The following TENM2 variants were observed in gnomAD, a reference collection of about 807,000 sequenced individuals.
TENM2 encodes the protein teneurin-2.
A neutral mutation model predicts 245.2 loss-of-function variants in TENM2; 52 were observed. The observed-to-expected ratio is 0.21, with a 90% CI of 0.17 to 0.27. The LOEUF is 0.27. Ranked by LOEUF, TENM2 falls within the 10% of genes least tolerant of loss-of-function variation. The probability of loss-of-function intolerance (pLI) is 1.00; values close to 1 mark genes in which losing one functional copy is unlikely to be tolerated. For synonymous variants in TENM2, 1,363 were observed against 1,438.9 expected (o/e 0.95, Z 1.19); for missense variants, 3,046 against 3,666.8 (o/e 0.83, Z 4.37).
intron 19 of TENM2, among the ~76,000 whole-genome samples, chr5:168,207,263 G>T (rs1762423851): frequency 6.6e-6 from 1 of 152,160 alleles, no homozygotes; most frequent in African/African-American, 2.4e-5. Context: ...AAGATAGGTT[G>T]CTTAAATTAA....
chr5:168,119,180 A>G (rs1269807883), intron 10 of TENM2, among the ~76,000 whole-genome samples: 1 of 152,246 alleles, frequency 6.6e-6, no homozygotes, highest in Non-Finnish European at 1.5e-5. Context: ...AGGATGCAGC[A>G]AGAGGGACGG....
At chr5:168,030,686 G>T (rs1787065794) in intron 5 of TENM2, among the ~76,000 whole-genome samples, 1 of 152,184 alleles carries the variant, frequency 6.6e-6, no homozygotes, top group Admixed American at 6.5e-5. Context: ...AGGGTTGAAG[G>T]TTAGGAAATG....
At position 168,193,130 on chromosome 5, in the gene TENM2, T is replaced by A. The variant is rs558635984; in HGVS notation, c.2781-2046T>A. Among the ~76,000 whole-genome samples, 256 of 152,338 alleles carry A rather than the reference T, an allele frequency of 1.7e-3. 1 individual carries two copies. Among genetic ancestry groups the A allele is most frequent in the African/African-American group, 5.9e-3 (245 of 41,572 alleles). On this transcript the variant is annotated intron_variant, in intron 14 of 28. Transcript: ENST00000518659. The stretch of plus-strand genomic sequence containing the variant: ...GAGAAAGCGTCTCGGAAGCTTTAAA[T>A]GTAAACAATAAATGGCACTTCCCAA...
At chr5:168,051,354 C>A (rs944049179) in intron 6 of TENM2, among the ~76,000 whole-genome samples, 1 of 152,068 alleles carries the variant, frequency 6.6e-6, no homozygotes. Flanking sequence ...TGACTATTAC[C>A]TGTTGTCTAT....
intron 14 of TENM2, among the ~76,000 whole-genome samples, chr5:168,193,626 A>G (rs1359977712): frequency 6.6e-6 from 1 of 152,182 alleles, no homozygotes; most frequent in Non-Finnish European, 1.5e-5. Flanking sequence ...TGCTACAGGA[A>G]TGATTTAAAA....
At chr5:167,952,478 A>G in intron 3 of TENM2, 110 bp from the exon 6 acceptor site, 1 of 893,112 alleles carries the variant, frequency 1.1e-6, no homozygotes, top group Non-Finnish European at 1.8e-6. Context: ...TGCAGCTTTC[A>G]GCAATTGTCA....
intron 3 of TENM2, among the ~76,000 whole-genome samples, chr5:167,951,349 GA>G (rs1780086285): frequency 1.3e-5 from 2 of 152,292 alleles, no homozygotes; most frequent in African/African-American, 4.8e-5. Context: ...TGCCAGCCCT[GA>G]CTGGAAGCTT....
At chr5:167,456,962 C>T (rs556819583) in intron 2 of TENM2, among the ~76,000 whole-genome samples, 13 of 152,282 alleles carry the variant, frequency 8.5e-5, no homozygotes, top group Non-Finnish European at 1.3e-4. Context: ...TAAATACAAG[C>T]GTGAGAATTT....
At chr5:167,376,256 T>A (rs78386535) in intron 2 of TENM2, among the ~76,000 whole-genome samples, 4,106 of 152,308 alleles carry the variant, frequency 0.027, 187 homozygotes, top group African/African-American at 0.093. Context: ...AACATTTTTT[T>A]AAAAAGATAA....
intron 7 of TENM2, among the ~76,000 whole-genome samples, chr5:168,071,181 G>A (rs578112360): frequency 6.6e-6 from 1 of 152,272 alleles, no homozygotes; most frequent in South Asian, 2.1e-4. Context: ...ATAAACCAGA[G>A]GTGATATTAT....
At position 168,238,157 on chromosome 5, in the gene TENM2, AAG is replaced by A. The variant is rs1164402441; in HGVS notation, c.5521-6236_5521-6235del. ...GAGACTCCATCTCAAGAAAGAAAGAAAGAGAGAGAGAGAGAGAGAGAGAGAGA... is the reference window on the plus strand; with the variant it reads ...GAGACTCCATCTCAAGAAAGAAAGAAAGAGAGAGAGAGAGAGAGAGAGAGA... On this transcript the variant is annotated intron_variant, in intron 25 of 28. Coordinates refer to ENST00000518659, the Ensembl canonical transcript of TENM2. Among the ~76,000 whole-genome samples the A allele has an allele frequency of 0.02, 1,411 of 69,862 alleles. 227 individuals are homozygous for A. The East Asian group carries it at 0.3, about 15-fold the overall frequency. The allele number at this position is 69,862 out of a possible 152,430, so 45.8% of individuals were successfully genotyped here.
At chr5:167,458,803 A>G (rs1181162547) in intron 2 of TENM2, among the ~76,000 whole-genome samples, 1 of 152,222 alleles carries the variant, frequency 6.6e-6, no homozygotes, top group Non-Finnish European at 1.5e-5. Flanking sequence ...GATGAGAAAA[A>G]GAAGTCACAG....
At chr5:167,465,779 G>A (rs939453995) in intron 2 of TENM2, among the ~76,000 whole-genome samples, 4 of 152,072 alleles carry the variant, frequency 2.6e-5, no homozygotes, top group African/African-American at 2.4e-5. Flanking sequence ...TGCAGTAAGC[G>A]GAGATCGCGC....
At chr5:168,004,517 G>GTGCACA (rs1554170146) in intron 5 of TENM2, among the ~76,000 whole-genome samples, 1 of 132,152 alleles carries the variant, frequency 7.6e-6, no homozygotes, top group African/African-American at 3.0e-5. Flanking sequence ...GCGCGCGCGC[G>GTGCACA]CACACACACA....
chr5:167,852,002 C>A (rs548240093), intron 2 of TENM2, among the ~76,000 whole-genome samples: 12 of 152,250 alleles, frequency 7.9e-5, no homozygotes, highest in Admixed American at 5.9e-4. Flanking sequence ...CTCCTTAATT[C>A]TCTCCCACAT....
intron 12 of TENM2, 38 bp downstream of exon 14, chr5:168,127,004 A>T (rs1449057304): frequency 1.3e-6 from 2 of 1,530,594 alleles, no homozygotes. Flanking sequence ...GTAGATCTAT[A>T]GTGATGGTCG....
At chr5:167,659,386 C>G (rs1369149243) in intron 2 of TENM2, among the ~76,000 whole-genome samples, 1 of 152,124 alleles carries the variant, frequency 6.6e-6, no homozygotes, top group East Asian at 1.9e-4. Context: ...CAATTGTCAA[C>G]TAGAAATATG....
At chr5:168,181,669 CTTTTTTTTTT>C (rs36042366) in intron 13 of TENM2, among the ~76,000 whole-genome samples, 1 of 78,864 alleles carries the variant, frequency 1.3e-5, no homozygotes, top group East Asian at 3.7e-4. Flanking sequence ...AGTTTTACTT[CTTTTTTTTTT>C]TTTTTTTTTT....
At chr5:167,204,474 T>C in the TENM2 span, among the ~76,000 whole-genome samples, 1 of 152,170 alleles carries the variant, frequency 6.6e-6, no homozygotes, top group Non-Finnish European at 1.5e-5. Context: ...CTGGAGCAGG[T>C]ACGAGAAAAT....
Sources: gnomAD v4.1 joint callset for allele counts (sites outside exome capture counted in the v4.1 genomes callset) on GRCh38, gnomAD v4.1.1 for gene constraint, MANE v1.5 for transcripts, NCBI Gene and HGNC (gene_info 2026-07-23, HGNC 2026-07-21) for gene names.